HRH2: variants seen among roughly 807,000 people sequenced by gnomAD.
HRH2 encodes histamine H2 receptor.
In HRH2, 4 loss-of-function variants were observed where a neutral mutation model predicts 20.1. The ratio of observed to expected loss-of-function variants is 0.20; its 90% CI spans 0.10 to 0.45. HRH2 has a LOEUF of 0.45. Ranked by LOEUF, HRH2 falls within the 20% of genes least tolerant of loss-of-function variation. The pLI is 0.99. For missense variants in HRH2, 250 were observed against 461.6 expected, an observed-to-expected ratio of 0.54 and a Z score of 4.20; for synonymous variants, 197 against 200.7, an observed-to-expected ratio of 0.98 and a Z score of 0.16.
chr5:175,670,886 C>T (rs1203807159), intron 1 of HRH2, among the ~76,000 whole-genome samples: 1 of 152,262 alleles, frequency 6.6e-6, no homozygotes, highest in Non-Finnish European at 1.5e-5. Context: ...GGGCCTGTAA[C>T]AATGCTTAAC....
At chr5:175,704,817 A>G (rs939023428) in intron 2 of HRH2, among the ~76,000 whole-genome samples, 5 of 152,004 alleles carry the variant, frequency 3.3e-5, no homozygotes, top group African/African-American at 7.2e-5. Context: ...GACATTGAAG[A>G]AGAGCTAAAT....
chr5:175,691,744 G>A (rs1393065195), intron 2 of HRH2, among the ~76,000 whole-genome samples: 3 of 152,044 alleles, frequency 2.0e-5, no homozygotes, highest in Non-Finnish European at 4.4e-5. Flanking sequence ...TTAGCTGGGC[G>A]TGGTGGCATG....
At chr5:175,691,161 ACGCG>A (rs1756362529) in intron 2 of HRH2, 1 of 138,232 alleles carries the variant, frequency 7.2e-6, no homozygotes, top group African/African-American at 3.5e-5. Flanking sequence ...CACAGCGGCC[ACGCG>A]GCCACGCGGA....
Position 175,684,072 on chromosome 5 carries a change from A to C in HRH2, c.839A>C (p.Asn280Thr). The C allele has an allele frequency of 6.2e-7, 1 of 1,614,166 alleles. No homozygotes were observed. The highest frequency in any genetic ancestry group is 8.5e-7 in the Non-Finnish European group (1 of 1,180,024). Reference protein sequence around the residue: ...EAIVLWLGYANSALNPILYAA... With the variant: ...EAIVLWLGYATSALNPILYAA... ...ATCGTTCTGTGGCTGGGCTATGCCA[A>C]CTCAGCCCTGAACCCCATCCTGTAT... The change falls in exon 2 of 3, where the codon AAC (asparagine) becomes ACC (threonine). Residue 280 changes from asparagine (N) to threonine (T), a missense_variant. Around this residue, in one of 5 missense-constraint regions of HRH2, gnomAD observed 58 missense variants for 166.8 expected, o/e 0.35. Coordinates refer to ENST00000636584, the MANE Select transcript of HRH2 (RefSeq NM_001367711.1).
chr5:175,667,401 A>G (rs4868529), intron 1 of HRH2, among the ~76,000 whole-genome samples: 53,177 of 151,412 alleles, frequency 0.35, 10,964 homozygotes, highest in African/African-American at 0.55. Flanking sequence ...CCAAGATTGC[A>G]CCATTGCACT....
chr5:175,684,814 G>T (rs977644102), intron 2 of HRH2, among the ~76,000 whole-genome samples: 1 of 152,160 alleles, frequency 6.6e-6, no homozygotes, highest in Admixed American at 6.5e-5. Context: ...CCGTGGGGGG[G>T]GTGTAAGTTG....
intron 1 of HRH2, among the ~76,000 whole-genome samples, chr5:175,667,853 G>A (rs1478462130): frequency 6.6e-6 from 1 of 152,056 alleles, no homozygotes; most frequent in Non-Finnish European, 1.5e-5. Context: ...TTTCTAATTG[G>A]GCAGAGTGAG....
chr5:175,669,059 A>G (rs1755418866), intron 1 of HRH2, among the ~76,000 whole-genome samples: 1 of 152,076 alleles, frequency 6.6e-6, no homozygotes, highest in African/African-American at 2.4e-5. Context: ...GACTGAGTGT[A>G]GCCTCCACCT....
Position 175,709,417 on chromosome 5 carries a change from T to G in HRH2, c.*1446T>G, listed in dbSNP as rs1300648046. 1 of 152,236 alleles carries G rather than the reference T, an allele frequency of 6.6e-6. No homozygotes were observed. Among genetic ancestry groups the G allele is most frequent in the East Asian group, 1.9e-4 (1 of 5,168 alleles). 9.4% of individuals were successfully genotyped at this position (152,236 alleles called of 1,614,324 possible). Reference sequence around the variant, plus strand: ...ACTCACAGATTTATAACTGCAGGCTTGGCTCCTTCCGGGAGCTTGAGACCC... The same window carrying G: ...ACTCACAGATTTATAACTGCAGGCTGGGCTCCTTCCGGGAGCTTGAGACCC... On this transcript the variant is annotated 3_prime_UTR_variant, in exon 3 of 3. Transcript: ENST00000636584.
At chr5:175,690,442 G>A (rs1376657259) in intron 2 of HRH2, among the ~76,000 whole-genome samples, 1 of 152,194 alleles carries the variant, frequency 6.6e-6, no homozygotes, top group African/African-American at 2.4e-5. Flanking sequence ...TGTAAGGGGC[G>A]CAGACATTTA....
At chr5:175,685,471 T>A (rs1756139499) in intron 2 of HRH2, 1 of 1,551,244 alleles carries the variant, frequency 6.4e-7, no homozygotes, top group African/African-American at 1.4e-5. Context: ...ATTCATTTGT[T>A]CATTCATTCA....
intron 2 of HRH2, among the ~76,000 whole-genome samples, chr5:175,691,536 G>A (rs778556379): frequency 2.0e-5 from 3 of 152,156 alleles, no homozygotes; most frequent in African/African-American, 4.8e-5. Context: ...GTGATGGGGC[G>A]GGAAGGGGCA....
At chr5:175,700,896 G>T (rs1363269076) in intron 2 of HRH2, among the ~76,000 whole-genome samples, 2 of 151,868 alleles carry the variant, frequency 1.3e-5, no homozygotes, top group African/African-American at 4.8e-5. Flanking sequence ...TCAAAAAAAA[G>T]AAAAGAAAAG....
chr5:175,697,423 A>G (rs1209574328), intron 2 of HRH2, among the ~76,000 whole-genome samples: 7 of 148,666 alleles, frequency 4.7e-5, no homozygotes, highest in African/African-American at 1.8e-4. Flanking sequence ...GGATAGCGCC[A>G]CTGCAGTCCA....
At chr5:175,707,482 C>G (rs568929745) in intron 2 of HRH2, among the ~76,000 whole-genome samples, 1 of 152,302 alleles carries the variant, frequency 6.6e-6, no homozygotes, top group African/African-American at 2.4e-5. Context: ...ATATTTTTAT[C>G]TTCATTTGAA....
intron 2 of HRH2, among the ~76,000 whole-genome samples, chr5:175,698,312 G>A (rs1459074162): frequency 2.0e-5 from 3 of 152,182 alleles, no homozygotes; most frequent in African/African-American, 4.8e-5. Context: ...CATTTAGTCT[G>A]CCCCACAGGA....
Position 175,686,119 on chromosome 5 carries a change from C to A in HRH2, c.1076+1810C>A, listed in dbSNP as rs1756163246. On this transcript the variant is annotated intron_variant, in intron 2 of 2. Transcript: ENST00000636584. The surrounding 1 kb of genome is among the most constrained non-coding windows in gnomAD (Gnocchi z 4.7). Reference sequence around the variant, plus strand: ...ACACCTGGAAACTTCCGCTTCCAGTCCTGATGGGTAAAACGCCCACCTACC... The same window carrying A: ...ACACCTGGAAACTTCCGCTTCCAGTACTGATGGGTAAAACGCCCACCTACC... 1 of 152,328 alleles carries A rather than the reference C, an allele frequency of 6.6e-6. No individual in the cohort carries two copies. Among genetic ancestry groups the A allele is most frequent in the Non-Finnish European group, 1.5e-5 (1 of 68,104 alleles). The allele number at this position is 152,328 out of a possible 1,614,324, so 9.4% of individuals were successfully genotyped here.
intron 1 of HRH2, among the ~76,000 whole-genome samples, chr5:175,679,819 G>A (rs1755899994): frequency 6.6e-6 from 1 of 152,178 alleles, no homozygotes; most frequent in Non-Finnish European, 1.5e-5. Flanking sequence ...GGCAGATGCT[G>A]GAGTGCTGGA....
intron 2 of HRH2, among the ~76,000 whole-genome samples, chr5:175,698,089 C>A (rs1189910215): frequency 2.0e-5 from 3 of 152,274 alleles, no homozygotes; most frequent in Non-Finnish European, 4.4e-5. Flanking sequence ...AGCAGACCTG[C>A]CCCTGTGTGT....
Sources: allele counts gnomAD v4.1 joint callset (sites outside exome capture counted in the v4.1 genomes callset), GRCh38; gene constraint gnomAD v4.1.1; regional missense constraint gnomAD v4.1.1; non-coding constraint Gnocchi (gnomAD v3.1); transcripts MANE v1.5; gene names NCBI Gene and HGNC (gene_info 2026-07-23, HGNC 2026-07-21).